The following TPTE variants were observed in gnomAD, a reference collection of about 807,000 sequenced individuals.
The protein encoded by TPTE is putative tyrosine-protein phosphatase TPTE.
TPTE carries 59 observed loss-of-function variants against 84.1 expected under a neutral mutation model. The observed-to-expected ratio is 0.70, with a 90% CI of 0.57 to 0.87. The LOEUF (loss-of-function observed/expected upper bound fraction) is 0.87, where lower values mean the gene tolerates loss of function less well. TPTE is among the 40% of genes least tolerant of loss of function. The pLI is 0.00. For missense variants in TPTE, 382 were observed against 659.6 expected (o/e 0.58, Z 4.61); for synonymous variants, 130 against 223.5 (o/e 0.58, Z 3.73).
At chr21:10,522,290 C>A (rs1390885645) in intron 1 of TPTE, among the ~76,000 whole-genome samples, 20 of 152,236 alleles carry the variant, frequency 1.3e-4, no homozygotes, top group Non-Finnish European at 5.9e-5. Context: ...GTCACACTCA[C>A]GCTGCACGAT....
At chr21:10,575,725 G>A (rs113794553) in intron 14 of TPTE, among the ~76,000 whole-genome samples, 2,720 of 148,218 alleles carry the variant, frequency 0.018, no homozygotes, top group Middle Eastern at 0.067. Context: ...AGTCTATGAG[G>A]AACTTAAATT....
chr21:10,576,260 T>C, intron 14 of TPTE: 1 of 198,314 alleles, frequency 5.0e-6, no homozygotes, highest in South Asian at 7.2e-5. Context: ...GGAACCTTTG[T>C]AGTGCCAGTG....
chr21:10,576,780 A>G (rs1413565835), intron 14 of TPTE, among the ~76,000 whole-genome samples: 2 of 152,014 alleles, frequency 1.3e-5, no homozygotes, highest in Admixed American at 6.6e-5. Flanking sequence ...AGTGGTATTG[A>G]TTGTATTTTA....
intron 4 of TPTE, among the ~76,000 whole-genome samples, chr21:10,539,170 T>G (rs533559850): frequency 1.3e-5 from 2 of 152,308 alleles, no homozygotes; most frequent in Non-Finnish European, 2.9e-5. Flanking sequence ...GCCTACCAGA[T>G]TGACAGAAAG....
intron 14 of TPTE, chr21:10,576,317 A>T (rs1450840140): frequency 3.7e-4 from 85 of 232,174 alleles, no homozygotes; most frequent in African/African-American, 1.9e-3. Context: ...AGGCAAGAAA[A>T]TTTTTGTTCA....
intron 7 of TPTE, among the ~76,000 whole-genome samples, chr21:10,551,298 AG>A (rs1162769368): frequency 1.4e-5 from 1 of 72,926 alleles, no homozygotes; most frequent in South Asian, 5.0e-4. Context: ...GGGTAGGGGG[AG>A]GGGGGAGGGA....
intron 23 of TPTE, among the ~76,000 whole-genome samples, chr21:10,605,147 A>T (rs1979123370): frequency 6.6e-6 from 1 of 152,430 alleles, no homozygotes; most frequent in South Asian, 2.1e-4. Flanking sequence ...AGAGAAATTT[A>T]GATATTTTAT....
intron 4 of TPTE, among the ~76,000 whole-genome samples, chr21:10,539,977 C>A (rs1214344208): frequency 6.6e-6 from 1 of 152,302 alleles, no homozygotes; most frequent in Admixed American, 6.5e-5. Flanking sequence ...CCACTGCACT[C>A]CAGCTTGGGT....
At chr21:10,590,001 C>T (rs138443027) in intron 17 of TPTE, among the ~76,000 whole-genome samples, 29 of 152,338 alleles carry the variant, frequency 1.9e-4, no homozygotes, top group African/African-American at 7.0e-4. Flanking sequence ...GGTGTTTCTA[C>T]ATTGCTGAAT....
intron 9 of TPTE, among the ~76,000 whole-genome samples, chr21:10,560,315 A>C (rs962966095): frequency 6.6e-6 from 1 of 152,312 alleles, no homozygotes; most frequent in Non-Finnish European, 1.5e-5. Flanking sequence ...ATATAGATTT[A>C]TACGATATAA....
chr21:10,528,895 A>T (rs1284418260), intron 3 of TPTE, among the ~76,000 whole-genome samples: 1 of 152,306 alleles, frequency 6.6e-6, no homozygotes, highest in Non-Finnish European at 1.5e-5. Context: ...GTTTGTCAAA[A>T]GTGTTTTCTG....
At chr21:10,546,619 C>T (rs1176332777) in intron 7 of TPTE, among the ~76,000 whole-genome samples, 2 of 152,308 alleles carry the variant, frequency 1.3e-5, no homozygotes, top group Non-Finnish European at 2.9e-5. Flanking sequence ...GACTGCTACT[C>T]CAGTGAACAT....
At chr21:10,604,936 AAATGGGTTAACC>A (rs1213898971) in intron 23 of TPTE, among the ~76,000 whole-genome samples, 1 of 152,300 alleles carries the variant, frequency 6.6e-6, no homozygotes, top group Non-Finnish European at 1.5e-5. Context: ...CACGAGGCAT[AAATGGGTTAACC>A]AATTTATGCC....
chr21:10,539,604 A>G (rs2074329783), intron 4 of TPTE, among the ~76,000 whole-genome samples: 1 of 152,296 alleles, frequency 6.6e-6, no homozygotes, highest in African/African-American at 2.4e-5. Flanking sequence ...TGAGTCTTAG[A>G]TAGATGTGCT....
intron 7 of TPTE, among the ~76,000 whole-genome samples, chr21:10,549,348 A>G (rs577371360): frequency 1.4e-3 from 210 of 152,288 alleles, no homozygotes; most frequent in Non-Finnish European, 8.5e-4. Flanking sequence ...AAAGGGAAAT[A>G]ATAATTATCC....
intron 17 of TPTE, among the ~76,000 whole-genome samples, chr21:10,587,830 A>C (rs1348995952): frequency 5.3e-5 from 8 of 152,360 alleles, no homozygotes; most frequent in African/African-American, 1.9e-4. Flanking sequence ...GATTATAGGC[A>C]TGAGCCACCG....
At chr21:10,527,736 A>T (rs1194108778) in intron 3 of TPTE, among the ~76,000 whole-genome samples, 2 of 152,308 alleles carry the variant, frequency 1.3e-5, no homozygotes, top group Non-Finnish European at 2.9e-5. Context: ...GCAAGAAAGG[A>T]GCTAAGAGAC....
chr21:10,582,212 G>A (rs2075283935), intron 17 of TPTE, among the ~76,000 whole-genome samples: 1 of 152,310 alleles, frequency 6.6e-6, no homozygotes, highest in Non-Finnish European at 1.5e-5. Flanking sequence ...AATCTAATTG[G>A]AAGTTGGGGG....
chr21:10,573,758 G>A (rs1167753265), intron 14 of TPTE, among the ~76,000 whole-genome samples: 1 of 152,282 alleles, frequency 6.6e-6, no homozygotes, highest in South Asian at 2.1e-4. Flanking sequence ...TAAATGAAAG[G>A]AAAGAAAATT....
Sources: allele counts gnomAD v4.1 joint callset (sites outside exome capture counted in the v4.1 genomes callset), GRCh38; gene constraint gnomAD v4.1.1; transcripts MANE v1.5; gene names NCBI Gene and HGNC (gene_info 2026-07-23, HGNC 2026-07-21).